ST6GAL1: variants seen among roughly 807,000 people sequenced by gnomAD.
ST6GAL1 encodes the protein ST6 beta-galactoside alpha-2,6-sialyltransferase 1, also known as beta-galactoside alpha-2,6-sialyltransferase 1.
In ST6GAL1, 20 loss-of-function variants were observed where a neutral mutation model predicts 38.0. The observed-to-expected ratio is 0.53, with a 90% CI of 0.37 to 0.77. ST6GAL1 has a LOEUF of 0.77. ST6GAL1 is among the 30% of genes least tolerant of loss of function. The pLI is 0.00. For missense variants in ST6GAL1, 432 were observed against 496.4 expected (o/e 0.87, Z 1.23); for synonymous variants, 196 against 188.2 (o/e 1.04, Z -0.34).
chr3:186,941,968 T>C (rs1289725406), intron 1 of ST6GAL1, among the ~76,000 whole-genome samples: 2 of 150,836 alleles, frequency 1.3e-5, no homozygotes, highest in Middle Eastern at 3.4e-3. Context: ...GCCGAGATCA[T>C]GCCACTGCAC....
In ST6GAL1 at chr3:187,042,924, G is replaced by T. The variant is rs1201863290; in HGVS notation, c.221G>T (p.Gly74Val). 4 of 1,614,082 alleles carry T rather than the reference G, an allele frequency of 2.5e-6. No homozygotes were observed. The highest frequency in any genetic ancestry group is 1.3e-5 in the African/African-American group (1 of 74,922). ...AGCAGCACCCAGGACCCCCACAGGG[G>T]CCGCCAGACCCTCGGCAGTCTCAGA... The part of the protein sequence containing the change: ...SSSSTQDPHR[G>V]RQTLGSLRGL... The change falls in exon 4 of 8, where the codon GGC becomes GTC. Residue 74 changes from glycine (G) to valine (V), a missense_variant. Gly to Val is a moderately radical substitution (Grantham distance 109, BLOSUM62 -3). Coordinates refer to ENST00000169298, the MANE Select transcript of ST6GAL1 (RefSeq NM_173216.2).
In ST6GAL1 at chr3:187,077,024, ATT is replaced by A; in HGVS notation, c.*1223_*1224del. Reference sequence around the variant, plus strand: ...TTGCTTTAAAAGCATCCTGACCCCAATTTCTTTGAGCTCACGGGCCTTTTGCT... The same window carrying A: ...TTGCTTTAAAAGCATCCTGACCCCAATCTTTGAGCTCACGGGCCTTTTGCT... On this transcript the variant is annotated 3_prime_UTR_variant, in exon 8 of 8. Coordinates refer to ENST00000169298, the MANE Select transcript of ST6GAL1 (RefSeq NM_173216.2). 2.5e-6 allele frequency: 1 copy of A among 397,410 alleles called. No homozygotes were observed. Among genetic ancestry groups the A allele is most frequent in the Non-Finnish European group, 4.4e-6 (1 of 225,790 alleles). 24.6% of individuals were successfully genotyped at this position (397,410 alleles called of 1,614,324 possible).
intron 2 of ST6GAL1, among the ~76,000 whole-genome samples, chr3:186,991,322 G>A (rs1396987675): frequency 1.3e-5 from 2 of 152,096 alleles, no homozygotes; most frequent in Non-Finnish European, 2.9e-5. Context: ...AGAAGGCTAG[G>A]ATGGTTGCTA....
chr3:186,996,057 ATTTGTC>A (rs1716394976), intron 2 of ST6GAL1, among the ~76,000 whole-genome samples: 3 of 152,014 alleles, frequency 2.0e-5, no homozygotes, highest in Admixed American at 1.3e-4. Flanking sequence ...CTTCCTGATC[ATTTGTC>A]TTTTTAAATA....
intron 1 of ST6GAL1, among the ~76,000 whole-genome samples, chr3:186,946,728 C>T (rs538247402): frequency 4.2e-4 from 64 of 152,214 alleles, no homozygotes; most frequent in African/African-American, 1.4e-3. Context: ...TATTGATTGA[C>T]ATTTTATAAA....
intron 2 of ST6GAL1, among the ~76,000 whole-genome samples, chr3:187,034,843 A>T (rs1157338541): frequency 6.6e-6 from 1 of 152,226 alleles, no homozygotes; most frequent in African/African-American, 2.4e-5. Flanking sequence ...GAGAACTGAA[A>T]CAAGACAAGG....
rs144663703 is a variant in ST6GAL1, at chr3:187,041,396, T to A, written c.-50-1258T>A. Among the ~76,000 whole-genome samples the A allele has an allele frequency of 7.2e-3, 1,098 of 152,340 alleles. 3 individuals are homozygous for A. Among genetic ancestry groups the A allele is most frequent in the Non-Finnish European group, 0.012 (824 of 68,034 alleles). ...CCCGGAGGTGATTGCTTTGATTTAT[T>A]ATTGTAAATAAACCCAGTGATTGGG... On this transcript the variant is annotated intron_variant, in intron 3 of 7. Coordinates refer to ENST00000169298, the MANE Select transcript of ST6GAL1 (RefSeq NM_173216.2).
chr3:186,984,886 T>G (rs111939659), intron 2 of ST6GAL1, among the ~76,000 whole-genome samples: 1 of 145,608 alleles, frequency 6.9e-6, no homozygotes, highest in African/African-American at 2.5e-5. Context: ...CTTCCGTCCT[T>G]TCTTTCTCTC....
chr3:186,936,954 A>G (rs1487242957), intron 1 of ST6GAL1, among the ~76,000 whole-genome samples: 1 of 151,290 alleles, frequency 6.6e-6, no homozygotes, highest in Non-Finnish European at 1.5e-5. Flanking sequence ...AAAAAAAAAA[A>G]AAAAAAAAGA....
Position 186,997,460 on chromosome 3 carries a change from C to T in ST6GAL1, c.-183+33534C>T, listed in dbSNP as rs117780619. Among the ~76,000 whole-genome samples the T allele has an allele frequency of 5.1e-3, 776 of 152,176 alleles. 24 individuals carry two copies. The East Asian group carries it at 0.08, about 16-fold the overall frequency. ...GGAAAGGAGAAGGAACTCACCCAGCCTAAAGATTAAGGGTTTTATGCTGGC... is the reference window on the plus strand; with the variant it reads ...GGAAAGGAGAAGGAACTCACCCAGCTTAAAGATTAAGGGTTTTATGCTGGC... On this transcript the variant is annotated intron_variant, in intron 2 of 7. Coordinates refer to ENST00000169298, the MANE Select transcript of ST6GAL1 (RefSeq NM_173216.2).
intron 1 of ST6GAL1, among the ~76,000 whole-genome samples, chr3:186,948,353 G>A (rs1295825293): frequency 6.6e-6 from 1 of 152,194 alleles, no homozygotes; most frequent in African/African-American, 2.4e-5. Context: ...ACAAAGCAAG[G>A]CCCTGACCTC....
At chr3:187,010,169 C>CT (rs1438855029) in intron 2 of ST6GAL1, among the ~76,000 whole-genome samples, 1 of 152,014 alleles carries the variant, frequency 6.6e-6, no homozygotes, top group Non-Finnish European at 1.5e-5. Flanking sequence ...CTGAATACTT[C>CT]TTTTTTTGAG....
intron 1 of ST6GAL1, among the ~76,000 whole-genome samples, chr3:186,936,614 A>C (rs192929432): frequency 2.0e-5 from 3 of 152,298 alleles, no homozygotes; most frequent in Non-Finnish European, 4.4e-5. Context: ...GAATCAATGT[A>C]GTGATTTAAA....
intron 5 of ST6GAL1, among the ~76,000 whole-genome samples, chr3:187,070,570 A>G (rs1283210447): frequency 1.3e-5 from 2 of 150,758 alleles, no homozygotes; most frequent in African/African-American, 2.4e-5. Context: ...GACTACAGGC[A>G]CCCGCCACCA....
chr3:186,977,276 C>T (rs576173675), intron 2 of ST6GAL1, among the ~76,000 whole-genome samples: 1 of 152,152 alleles, frequency 6.6e-6, no homozygotes, highest in Non-Finnish European at 1.5e-5. Context: ...CTTTTATCAC[C>T]AGCGGTTTCC....
At chr3:187,018,718 C>T (rs543149666) in intron 2 of ST6GAL1, among the ~76,000 whole-genome samples, 2 of 152,308 alleles carry the variant, frequency 1.3e-5, no homozygotes, top group East Asian at 3.9e-4. Flanking sequence ...TTGGCAACAC[C>T]CTCACAGACA....
chr3:186,968,381 C>G (rs979655307), intron 2 of ST6GAL1, among the ~76,000 whole-genome samples: 2 of 152,158 alleles, frequency 1.3e-5, no homozygotes, highest in Non-Finnish European at 2.9e-5. Context: ...AATTGACAGA[C>G]AAAACCCTGC....
intron 6 of ST6GAL1, 131 bp downstream of exon 6, chr3:187,073,078 A>AC (rs1719442076): frequency 1.5e-6 from 1 of 660,528 alleles, no homozygotes; most frequent in Admixed American, 2.6e-5. Flanking sequence ...GTTTTAGGGT[A>AC]CCCCATTTCA....
At chr3:186,958,867 C>CG (rs1379184830) in intron 1 of ST6GAL1, among the ~76,000 whole-genome samples, 2 of 150,792 alleles carry the variant, frequency 1.3e-5, no homozygotes, top group Non-Finnish European at 2.9e-5. Context: ...GCAGGAGAAT[C>CG]GCTTGAACGT....
Sources: gnomAD v4.1 joint callset for allele counts (sites outside exome capture counted in the v4.1 genomes callset) on GRCh38, gnomAD v4.1.1 for gene constraint, MANE v1.5 for transcripts, NCBI Gene and HGNC (gene_info 2026-07-23, HGNC 2026-07-21) for gene names.